EEFSEC: variants seen among roughly 807,000 people sequenced by gnomAD.
EEFSEC encodes selenocysteine-specific elongation factor.
EEFSEC carries 43 observed loss-of-function variants against 42.1 expected under a neutral mutation model. The ratio of observed to expected loss-of-function variants is 1.02; its 90% CI spans 0.80 to 1.32. The LOEUF (loss-of-function observed/expected upper bound fraction) is 1.32. EEFSEC is among the 40% of genes most tolerant of loss of function. The probability of loss-of-function intolerance (pLI) is 0.00; values close to 1 mark genes in which losing one functional copy is unlikely to be tolerated. For synonymous variants in EEFSEC, 354 were observed against 339.1 expected, an observed-to-expected ratio of 1.04 and a Z score of -0.48; for missense variants, 745 against 803.6, an observed-to-expected ratio of 0.93 and a Z score of 0.88.
intron 1 of EEFSEC, among the ~76,000 whole-genome samples, chr3:128,226,220 C>T (rs2065906045): frequency 6.6e-6 from 1 of 152,152 alleles, no homozygotes; most frequent in Non-Finnish European, 1.5e-5. Context: ...AGCTAGACAG[C>T]CCATGCCGTA....
At chr3:128,292,836 T>C (rs978640436) in intron 4 of EEFSEC, among the ~76,000 whole-genome samples, 1 of 152,052 alleles carries the variant, frequency 6.6e-6, no homozygotes, top group African/African-American at 2.4e-5. Flanking sequence ...TTTTTCTACT[T>C]TCTTTGGGTT....
intron 6 of EEFSEC, among the ~76,000 whole-genome samples, chr3:128,364,499 C>T (rs577159687): frequency 6.6e-6 from 1 of 152,358 alleles, no homozygotes; most frequent in South Asian, 2.1e-4. Flanking sequence ...AGTCCAGCCT[C>T]ATGGCCAGGG....
At chr3:128,190,924 G>T (rs763041251) in intron 1 of EEFSEC, among the ~76,000 whole-genome samples, 12 of 152,074 alleles carry the variant, frequency 7.9e-5, no homozygotes, top group Non-Finnish European at 8.8e-5. Flanking sequence ...TCGCCTGGGG[G>T]TATTTTTTTT....
intron 6 of EEFSEC, among the ~76,000 whole-genome samples, chr3:128,395,134 A>C (rs991084757): frequency 6.6e-6 from 1 of 152,138 alleles, no homozygotes; most frequent in Non-Finnish European, 1.5e-5. Flanking sequence ...CCCTCATTAG[A>C]CACGTCCCCA....
downstream of EEFSEC, among the ~76,000 whole-genome samples, chr3:128,409,333 A>G (rs936238686): frequency 6.6e-6 from 1 of 152,064 alleles, no homozygotes; most frequent in Admixed American, 6.5e-5. Flanking sequence ...TTTCGATCAA[A>G]TGACTTGGGC....
intron 1 of EEFSEC, among the ~76,000 whole-genome samples, chr3:128,243,081 A>G (rs1000173510): frequency 4.6e-5 from 7 of 152,256 alleles, no homozygotes; most frequent in African/African-American, 1.7e-4. Context: ...GCCAGGCAGC[A>G]GGCAGTTGCC....
At chr3:128,426,193 A>C in the EEFSEC span, among the ~76,000 whole-genome samples, 1 of 152,198 alleles carries the variant, frequency 6.6e-6, no homozygotes, top group African/African-American at 2.4e-5. Flanking sequence ...GGCGGGACTC[A>C]TGGAAGTGCG....
At chr3:128,416,035 C>T in the EEFSEC span, among the ~76,000 whole-genome samples, 1 of 152,230 alleles carries the variant, frequency 6.6e-6, no homozygotes, top group Admixed American at 6.5e-5. Context: ...CCTGTGTGGA[C>T]ACACTGACCA....
the EEFSEC span, among the ~76,000 whole-genome samples, chr3:128,423,514 G>A: frequency 6.6e-6 from 1 of 151,336 alleles, no homozygotes; most frequent in Non-Finnish European, 1.5e-5. Context: ...GAGGAATGAA[G>A]TACTGCTATG....
intron 6 of EEFSEC, among the ~76,000 whole-genome samples, chr3:128,406,816 C>T (rs567222900): frequency 6.6e-6 from 1 of 151,808 alleles, no homozygotes; most frequent in African/African-American, 2.4e-5. Flanking sequence ...CTGTCACACA[C>T]ACACACACAA....
chr3:128,400,197 G>A (rs183917513), intron 6 of EEFSEC, among the ~76,000 whole-genome samples: 2 of 152,298 alleles, frequency 1.3e-5, no homozygotes, highest in East Asian at 3.9e-4. Context: ...ACACACCTCC[G>A]TGACCACCTG....
intron 6 of EEFSEC, among the ~76,000 whole-genome samples, chr3:128,368,645 A>T (rs2067618573): frequency 6.6e-6 from 1 of 152,194 alleles, no homozygotes. Context: ...ACTGTTGCTA[A>T]TCCTTCTGAA....
At chr3:128,319,256 C>T (rs2066981495) in intron 4 of EEFSEC, among the ~76,000 whole-genome samples, 2 of 152,236 alleles carry the variant, frequency 1.3e-5, no homozygotes, top group South Asian at 4.1e-4. Flanking sequence ...CCAGCTTACC[C>T]TGCCTGCTGC....
At chr3:128,225,497 G>A (rs1184821564) in intron 1 of EEFSEC, among the ~76,000 whole-genome samples, 1 of 152,266 alleles carries the variant, frequency 6.6e-6, no homozygotes, top group Non-Finnish European at 1.5e-5. Context: ...CTCTGACTGA[G>A]TTTCCACCTT....
At chr3:128,291,812 G>A (rs1453079614) in intron 4 of EEFSEC, among the ~76,000 whole-genome samples, 2 of 152,136 alleles carry the variant, frequency 1.3e-5, no homozygotes, top group Non-Finnish European at 2.9e-5. Context: ...AGGAAGTACA[G>A]TACAATGTTC....
At chr3:128,397,501 G>A (rs1393184204) in intron 6 of EEFSEC, among the ~76,000 whole-genome samples, 1 of 152,226 alleles carries the variant, frequency 6.6e-6, no homozygotes, top group Non-Finnish European at 1.5e-5. Context: ...CACTATGAGG[G>A]TGGCAATGGT....
At chr3:128,264,191 AAGGTACCT>A (rs2107932420) in intron 3 of EEFSEC, among the ~76,000 whole-genome samples, 1 of 152,184 alleles carries the variant, frequency 6.6e-6, no homozygotes, top group Non-Finnish European at 1.5e-5. Flanking sequence ...TGAGGCCTAA[AAGGTACCT>A]AGGGGCTAGA....
At chr3:128,156,435 C>T (rs538342629) in intron 1 of EEFSEC, among the ~76,000 whole-genome samples, 1 of 152,288 alleles carries the variant, frequency 6.6e-6, no homozygotes, top group African/African-American at 2.4e-5. Flanking sequence ...TTCCCTCATC[C>T]GCTTCCAACA....
chr3:128,235,354 C>T (rs2065997711), intron 1 of EEFSEC, among the ~76,000 whole-genome samples: 1 of 152,158 alleles, frequency 6.6e-6, no homozygotes, highest in Admixed American at 6.5e-5. Context: ...TAGGCCTGAG[C>T]CACCGCGCCC....
Sources: allele counts gnomAD v4.1 joint callset (sites outside exome capture counted in the v4.1 genomes callset), GRCh38; gene constraint gnomAD v4.1.1; transcripts MANE v1.5; gene names NCBI Gene and HGNC (gene_info 2026-07-23, HGNC 2026-07-21).